The following TRDMT1 variants were observed in gnomAD, a reference collection of about 807,000 sequenced individuals.
The protein encoded by TRDMT1 is tRNA aspartic acid methyltransferase 1.
A neutral mutation model predicts 51.2 loss-of-function variants in TRDMT1; 49 were observed. That is an observed-to-expected ratio of 0.96 (90% CI 0.76 to 1.21). The LOEUF (loss-of-function observed/expected upper bound fraction) is 1.21, where lower values mean the gene tolerates loss of function less well. Ranked by LOEUF, TRDMT1 falls within the 50% of genes most tolerant of loss-of-function variation. The pLI is 0.00. For synonymous variants in TRDMT1, 187 were observed against 164.6 expected, an observed-to-expected ratio of 1.14 and a Z score of -1.04; for missense variants, 534 against 462.3, an observed-to-expected ratio of 1.16 and a Z score of -1.42.
At chr10:17,174,093 A>G (rs992233329) in intron 2 of TRDMT1, among the ~76,000 whole-genome samples, 3 of 152,212 alleles carry the variant, frequency 2.0e-5, no homozygotes, top group African/African-American at 7.2e-5. Flanking sequence ...ATAACTCAAC[A>G]TAAATCAGTG....
chr10:17,153,519 G>A lies in TRDMT1; in HGVS notation c.1063C>T (p.Pro355Ser), dbSNP rs1265092922. Residue 355 changes from proline to serine, a missense_variant, in exon 10 of 11, where the codon CCT (proline) becomes TCT (serine). By Grantham distance (74) the Pro-to-Ser change is moderately conservative. Transcript: ENST00000377799. ...PKEIANLLGF[P>S]PEFGFPEKIT... Reference sequence around the variant, plus strand: ...GTATCCCACATACCGAACTCTGGAGGAAATCCAAGGAGATTTGCTATTTCT... The same window carrying A: ...GTATCCCACATACCGAACTCTGGAGAAAATCCAAGGAGATTTGCTATTTCT... The A allele has an allele frequency of 5.6e-6, 9 of 1,613,906 alleles. No homozygotes were observed. The Admixed American group carries it at 8.3e-5, about 15-fold the overall frequency.
chr10:17,178,677 GA>G (rs3054721), intron 1 of TRDMT1, among the ~76,000 whole-genome samples: 11,520 of 103,960 alleles, frequency 0.11, 1,431 homozygotes, highest in African/African-American at 0.33. Context: ...CTCTGTCTCG[GA>G]AAAAAAAAAA....
intron 1 of TRDMT1, among the ~76,000 whole-genome samples, chr10:17,186,075 A>G (rs1340715903): frequency 1.3e-5 from 2 of 151,646 alleles, no homozygotes; most frequent in Admixed American, 1.3e-4. Flanking sequence ...AAATAAATAA[A>G]TAAATAAATA....
At chr10:17,182,109 A>C (rs538362640) in intron 1 of TRDMT1, among the ~76,000 whole-genome samples, 5 of 152,340 alleles carry the variant, frequency 3.3e-5, no homozygotes, top group African/African-American at 9.6e-5. Flanking sequence ...TTGTGTAACT[A>C]TTAATAGCAA....
chr10:17,201,479 CT>C (rs1554773149), intron 1 of TRDMT1, 91 bp downstream of exon 1: 1 of 1,372,854 alleles, frequency 7.3e-7, no homozygotes, highest in South Asian at 1.3e-5. Flanking sequence ...GTGTCCGCCC[CT>C]TGCGTCTCGC....
rs1837964657 is a variant in TRDMT1, at chr10:17,144,809, T to A, written c.*4231A>T. ...TAGAAACAACAACAACAAAAAATAC[T>A]TTTTCTTTTTTTTTTTAAACTGAAG... On this transcript the variant is annotated 3_prime_UTR_variant, in exon 11 of 11. Transcript: ENST00000377799. 2.0e-6 allele frequency: 2 copies of A among 985,062 alleles called. No homozygotes were observed. The highest frequency in any genetic ancestry group is 2.4e-6 in the Non-Finnish European group (2 of 829,826). The allele number at this position is 985,062 out of a possible 1,614,324, so 61.0% of individuals were successfully genotyped here. A position where few individuals can be genotyped will look rare whatever the true frequency, so the allele number is the denominator to read the frequency against.
At position 17,174,550 on chromosome 10, in the gene TRDMT1, C is replaced by T; in HGVS notation, c.174+1G>A. 6.3e-7 allele frequency: 1 copy of T among 1,593,500 alleles called. No homozygotes were observed. Among genetic ancestry groups the T allele is most frequent in the Non-Finnish European group, 8.6e-7 (1 of 1,161,426 alleles). ...TTATTAAAACAATGACAATTACTCA[C>T]TTCAATCGTCTTGGCAAGTAACTGT... On this transcript the variant is annotated splice_donor_variant, in intron 2 of 10. Transcript: ENST00000377799. LOFTEE classifies it high-confidence loss of function.
chr10:17,165,185 G>C (rs537106513), intron 3 of TRDMT1, among the ~76,000 whole-genome samples: 3 of 152,062 alleles, frequency 2.0e-5, no homozygotes, highest in African/African-American at 7.2e-5. Context: ...TAGATCAATG[G>C]AACAGAACAG....
At chr10:17,185,424 G>C (rs1346076927) in intron 1 of TRDMT1, among the ~76,000 whole-genome samples, 1 of 152,112 alleles carries the variant, frequency 6.6e-6, no homozygotes, top group African/African-American at 2.4e-5. Context: ...GAAACAACAG[G>C]TGCTGGAGAG....
chr10:17,200,860 T>C (rs535971826), intron 1 of TRDMT1, among the ~76,000 whole-genome samples: 8 of 152,304 alleles, frequency 5.3e-5, no homozygotes, highest in Admixed American at 2.0e-4. Flanking sequence ...GGTTACAATG[T>C]ATCAGGCACT....
chr10:17,144,922 A>T lies in TRDMT1; in HGVS notation c.*4118T>A. On this transcript the variant is annotated 3_prime_UTR_variant, in exon 11 of 11. Transcript: ENST00000377799. ...CTCATGCAAACTGAAACTAAAGAAC[A>T]TGTGCAAGATGCTTAATGCCTTTTT... The T allele has an allele frequency of 2.0e-6, 2 of 985,382 alleles. No individual in the cohort carries two copies. The highest frequency in any genetic ancestry group is 2.4e-6 in the Non-Finnish European group (2 of 829,938). The allele number at this position is 985,382 out of a possible 1,614,324, so 61.0% of individuals were successfully genotyped here.
chr10:17,147,967 T>G lies in TRDMT1; in HGVS notation c.*1073A>C, dbSNP rs1043854204. ...AACTTCCAATTTATCCACCTCTAAATAGCTGATTTTTAAGAAGAAAAATTT... is the reference window on the plus strand; with the variant it reads ...AACTTCCAATTTATCCACCTCTAAAGAGCTGATTTTTAAGAAGAAAAATTT... On this transcript the variant is annotated 3_prime_UTR_variant, in exon 11 of 11. Transcript: ENST00000377799. 1.0e-6 allele frequency: 1 copy of G among 981,626 alleles called. No homozygotes were observed. Among genetic ancestry groups the G allele is most frequent in the Non-Finnish European group, 1.2e-6 (1 of 826,428 alleles). The allele number at this position is 981,626 out of a possible 1,614,324, so 60.8% of individuals were successfully genotyped here. A position where few individuals can be genotyped will look rare whatever the true frequency, so the allele number is the denominator to read the frequency against.
chr10:17,149,375 T>C (rs556919621), intron 10 of TRDMT1, among the ~76,000 whole-genome samples: 2 of 152,254 alleles, frequency 1.3e-5, no homozygotes, highest in Non-Finnish European at 2.9e-5. Flanking sequence ...CACACACACA[T>C]GTACACATAT....
At chr10:17,163,531 C>A (rs1301162400) in intron 3 of TRDMT1, among the ~76,000 whole-genome samples, 1 of 152,004 alleles carries the variant, frequency 6.6e-6, no homozygotes, top group Non-Finnish European at 1.5e-5. Context: ...CAGAGTAGAA[C>A]TGAAGGAAAT....
chr10:17,181,099 G>C (rs897460851), intron 1 of TRDMT1, among the ~76,000 whole-genome samples: 6 of 151,984 alleles, frequency 3.9e-5, no homozygotes, highest in Non-Finnish European at 7.4e-5. Context: ...AATGCACCCT[G>C]CTAAAAGGAT....
At position 17,160,300 on chromosome 10, in the gene TRDMT1, C is replaced by T. The variant is rs1232406263; in HGVS notation, c.459+5G>A. 1 of 1,513,804 alleles carries T rather than the reference C, an allele frequency of 6.6e-7. No homozygotes were observed. The highest frequency in any genetic ancestry group is 8.9e-7 in the Non-Finnish European group (1 of 1,129,782). 93.8% of individuals were successfully genotyped at this position (1,513,804 alleles called of 1,614,324 possible). On this transcript the variant is annotated splice_donor_5th_base_variant and intron_variant, in intron 6 of 10. Transcript: ENST00000377799. Reference sequence around the variant, plus strand: ...TATATAAGCATTTATAACTGTGATACCTACAGAGGTTGGAGATAATAGAAA... The same window carrying T: ...TATATAAGCATTTATAACTGTGATATCTACAGAGGTTGGAGATAATAGAAA...
chr10:17,152,073 T>C (rs1310591601), intron 10 of TRDMT1: 1 of 1,301,856 alleles, frequency 7.7e-7, no homozygotes, highest in East Asian at 5.5e-5. Context: ...CTCTTTTCTG[T>C]CTTCAAGAGT....
chr10:17,184,848 T>A (rs1419160856), intron 1 of TRDMT1, among the ~76,000 whole-genome samples: 2 of 152,164 alleles, frequency 1.3e-5, no homozygotes, highest in Non-Finnish European at 2.9e-5. Context: ...ATCAAAGCTA[T>A]CTTAGGGACA....
In TRDMT1 at chr10:17,146,681, C is replaced by A; in HGVS notation, c.*2359G>T. On this transcript the variant is annotated 3_prime_UTR_variant, in exon 11 of 11. Transcript: ENST00000377799. ...GGTGAAGACTGAATTACACATAGTT[C>A]TCCTGAAAATGAGAAGCTATGTTTT... 1.0e-6 allele frequency: 1 copy of A among 985,324 alleles called. No individual in the cohort carries two copies. Among genetic ancestry groups the A allele is most frequent in the Non-Finnish European group, 1.2e-6 (1 of 829,878 alleles). The allele number at this position is 985,324 out of a possible 1,614,324, so 61.0% of individuals were successfully genotyped here. A position where few individuals can be genotyped will look rare whatever the true frequency, so the allele number is the denominator to read the frequency against.
Sources: allele counts gnomAD v4.1 joint callset (sites outside exome capture counted in the v4.1 genomes callset), GRCh38; gene constraint gnomAD v4.1.1; transcripts MANE v1.5; gene names NCBI Gene and HGNC (gene_info 2026-07-23, HGNC 2026-07-21).